CDK15: variants seen among roughly 807,000 people sequenced by gnomAD.
CDK15 encodes cyclin dependent kinase 15, also known as cyclin-dependent kinase 15.
In CDK15, 62 loss-of-function variants were observed where a neutral mutation model predicts 60.3. The observed-to-expected ratio is 1.03, with a 90% CI of 0.84 to 1.27. The LOEUF is 1.27. Ranked by LOEUF, CDK15 falls within the 50% of genes most tolerant of loss-of-function variation. The pLI is 0.00. For missense variants in CDK15, 541 were observed against 527.8 expected (o/e 1.03, Z -0.25); for synonymous variants, 194 against 195.7 (o/e 0.99, Z 0.07).
At chr2:201,839,087 C>T (rs911394389) in intron 8 of CDK15, among the ~76,000 whole-genome samples, 3 of 152,170 alleles carry the variant, frequency 2.0e-5, no homozygotes, top group Non-Finnish European at 4.4e-5. Context: ...TTCTAGTCTT[C>T]TGTGACTTGG....
chr2:201,813,448 A>C (rs998293552), intron 4 of CDK15, among the ~76,000 whole-genome samples: 1 of 152,250 alleles, frequency 6.6e-6, no homozygotes, highest in Non-Finnish European at 1.5e-5. Context: ...AAAATCCCAG[A>C]GAAATGGCAC....
chr2:201,886,841 TTCC>T (rs1699467506), intron 12 of CDK15, among the ~76,000 whole-genome samples: 2 of 152,210 alleles, frequency 1.3e-5, no homozygotes, highest in South Asian at 4.1e-4. Context: ...TAGTTGTTTT[TTCC>T]TGTAACCTAA....
At chr2:201,866,564 T>C (rs368627303) in intron 10 of CDK15, among the ~76,000 whole-genome samples, 1 of 152,290 alleles carries the variant, frequency 6.6e-6, no homozygotes, top group African/African-American at 2.4e-5. Flanking sequence ...AGAACTCTTT[T>C]TAGAGAGAAC....
chr2:201,864,045 T>A (rs1698510177), intron 10 of CDK15, among the ~76,000 whole-genome samples: 1 of 152,234 alleles, frequency 6.6e-6, no homozygotes, highest in South Asian at 2.1e-4. Flanking sequence ...TCTTATTTAT[T>A]CAGCAAATAT....
chr2:201,810,837 C>CTTTTTT (rs199591982), intron 3 of CDK15, among the ~76,000 whole-genome samples: 3 of 123,636 alleles, frequency 2.4e-5, no homozygotes, highest in African/African-American at 6.5e-5. Context: ...GGTATGCACT[C>CTTTTTT]TTTTTTTTTT....
At chr2:201,815,368 C>G (rs1052079623) in intron 4 of CDK15, among the ~76,000 whole-genome samples, 1 of 152,120 alleles carries the variant, frequency 6.6e-6, no homozygotes. Context: ...TTTCTACGCA[C>G]CCACTGTAGA....
At chr2:201,851,381 TGTTGTCCA>T (rs2105782095) in intron 9 of CDK15, among the ~76,000 whole-genome samples, 1 of 151,310 alleles carries the variant, frequency 6.6e-6, no homozygotes, top group East Asian at 1.9e-4. Flanking sequence ...CACTGTAGGC[TGTTGTCCA>T]GTGAGAGATT....
intron 10 of CDK15, among the ~76,000 whole-genome samples, chr2:201,869,622 C>T (rs142769495): frequency 2.0e-3 from 301 of 152,160 alleles, no homozygotes; most frequent in African/African-American, 6.8e-3. Context: ...GAGGTCTCAG[C>T]AAAACTGAAG....
chr2:201,879,988 G>T lies in CDK15; in HGVS notation c.1059-40G>T, dbSNP rs768725847. 15 of 1,601,434 alleles carry T rather than the reference G, an allele frequency of 9.4e-6. No homozygotes were observed. The African/African-American group carries it at 1.8e-4, about 19-fold the overall frequency. On this transcript the variant is annotated intron_variant, in intron 11 of 13. Transcript: ENST00000652192. ...TATCCCTTTGTTTTTCAGAAGGGAG[G>T]CTGCTGGAGAAACTCTATTTTTCTC...
At position 201,860,779 on chromosome 2, in the gene CDK15, G is replaced by A. The variant is rs533085462; in HGVS notation, c.1009+5842G>A. 50 of 1,352,090 alleles carry A rather than the reference G, an allele frequency of 3.7e-5. 1 individual carries two copies. The highest frequency in any genetic ancestry group is 3.5e-4 in the African/African-American group (24 of 67,868). The allele number at this position is 1,352,090 out of a possible 1,614,324, so 83.8% of individuals were successfully genotyped here. A position where few individuals can be genotyped will look rare whatever the true frequency, so the allele number is the denominator to read the frequency against. The stretch of plus-strand genomic sequence containing the variant: ...ACAGCATGGATGGCATACTGACATC[G>A]GACAGCATCGTACTGCAGCAATGCA... On this transcript the variant is annotated intron_variant, in intron 10 of 13. Coordinates refer to ENST00000652192, the MANE Select transcript of CDK15 (RefSeq NM_001366386.2).
chr2:201,888,612 T>C (rs1432597654), intron 12 of CDK15: 4 of 1,423,934 alleles, frequency 2.8e-6, no homozygotes, highest in South Asian at 1.6e-5. Context: ...CTTCCTCCTT[T>C]TTCTTTTTCT....
chr2:201,844,038 T>TA (rs913753688), intron 8 of CDK15, among the ~76,000 whole-genome samples: 2 of 152,192 alleles, frequency 1.3e-5, no homozygotes, highest in African/African-American at 4.8e-5. Flanking sequence ...ATTACAGGTT[T>TA]AAACCTAGGA....
chr2:201,859,487 G>C (rs1232330698), intron 10 of CDK15, among the ~76,000 whole-genome samples: 1 of 152,178 alleles, frequency 6.6e-6, no homozygotes, highest in East Asian at 1.9e-4. Flanking sequence ...TTCACCATCA[G>C]AACCAATAGA....
intron 12 of CDK15, chr2:201,888,336 A>T: frequency 8.6e-6 from 12 of 1,390,448 alleles, no homozygotes; most frequent in Non-Finnish European, 1.1e-5. Context: ...CTCGTTCCGA[A>T]ATGATCTAAA....
intron 6 of CDK15, among the ~76,000 whole-genome samples, chr2:201,826,263 A>G (rs1696485712): frequency 6.6e-6 from 1 of 152,230 alleles, no homozygotes; most frequent in African/African-American, 2.4e-5. Context: ...GATCAAGACC[A>G]TCCTGGTTAA....
In CDK15 at chr2:201,890,800, C is replaced by CTCCTCTGTAGGAGTAAACTCTGTAGG. The variant is rs1559154303; in HGVS notation, c.1214_1215insTCCTCTGTAGGAGTAAACTCTGTAGG (p.Val406ProfsTer3). The stretch of plus-strand genomic sequence containing the variant: ...ATTCCTACAGAGGAGTCTTTGTTTA[C>CTCCTCTGTAGGAGTAAACTCTGTAGG]AGTTTCAGGAGTGAGGCTAAAGCCA... On this transcript the variant is annotated stop_gained and frameshift_variant, in exon 13 of 14. Coordinates refer to ENST00000652192, the MANE Select transcript of CDK15 (RefSeq NM_001366386.2). LOFTEE classifies it high-confidence loss of function. The CTCCTCTGTAGGAGTAAACTCTGTAGG allele has an allele frequency of 1.9e-6, 3 of 1,611,808 alleles. No individual in the cohort carries two copies. Among genetic ancestry groups the CTCCTCTGTAGGAGTAAACTCTGTAGG allele is most frequent in the Non-Finnish European group, 2.5e-6 (3 of 1,178,644 alleles).
chr2:201,879,014 C>A (rs1034391565), intron 11 of CDK15, among the ~76,000 whole-genome samples: 1 of 152,206 alleles, frequency 6.6e-6, no homozygotes, highest in Non-Finnish European at 1.5e-5. Flanking sequence ...ACATCTGACT[C>A]CTCTACCTGA....
chr2:201,819,742 G>C (rs1344208827), intron 4 of CDK15, among the ~76,000 whole-genome samples: 1 of 152,138 alleles, frequency 6.6e-6, no homozygotes, highest in Non-Finnish European at 1.5e-5. Flanking sequence ...AAGTTGAGAG[G>C]ACTTGACGTG....
Position 201,833,880 on chromosome 2 carries a change from G to C in CDK15, c.639G>C (p.Ala213=). The change falls in exon 7 of 14, where the codon GCG becomes GCC. Residue 213 remains alanine, a synonymous_variant. Coordinates refer to ENST00000652192, the MANE Select transcript of CDK15 (RefSeq NM_001366386.2). ...LFMFQLLRGL[A]YIHHQHVLHR... is the part of the protein sequence containing the mutation. Reference sequence around the variant, plus strand: ...TGTTTCAACTTTTGCGGGGCCTGGCGTACATCCACCACCAACACGTTCTTC... The same window carrying C: ...TGTTTCAACTTTTGCGGGGCCTGGCCTACATCCACCACCAACACGTTCTTC... 1 of 1,613,792 alleles carries C rather than the reference G, an allele frequency of 6.2e-7. No individual in the cohort carries two copies. The highest frequency in any genetic ancestry group is 8.5e-7 in the Non-Finnish European group (1 of 1,179,926).
Sources: gnomAD v4.1 joint callset for allele counts (sites outside exome capture counted in the v4.1 genomes callset) on GRCh38, gnomAD v4.1.1 for gene constraint, MANE v1.5 for transcripts, NCBI Gene and HGNC (gene_info 2026-07-23, HGNC 2026-07-21) for gene names.